The following IL1RAPL2 variants were observed in gnomAD, a reference collection of about 807,000 sequenced individuals.
The protein encoded by IL1RAPL2 is interleukin 1 receptor accessory protein like 2.
A neutral mutation model predicts 44.1 loss-of-function variants in IL1RAPL2; 3 were observed. The observed-to-expected ratio is 0.07, with a 90% CI of 0.03 to 0.18. The LOEUF is 0.18. Among genes scored for constraint, IL1RAPL2 ranks in the 10% least tolerant of loss-of-function variants. The pLI is 1.00. For synonymous variants in IL1RAPL2, 181 were observed against 178.8 expected, an observed-to-expected ratio of 1.01 and a Z score of -0.10; for missense variants, 391 against 496.4, an observed-to-expected ratio of 0.79 and a Z score of 2.02.
Position 104,878,878 on chromosome X carries a change from C to T in IL1RAPL2, c.82+219883C>T, listed in dbSNP as rs560032587. Among the ~76,000 whole-genome samples, 65 of 109,931 alleles carry T rather than the reference C, an allele frequency of 5.9e-4. No individual in the cohort carries two copies. In the South Asian group the frequency reaches 6.1e-3, roughly 10 times the overall value. ...AACAAATTTTGATGGGAGCAAGTTT[C>T]GAAAACGTGAGGACCCAGGATACCT... On this transcript the variant is annotated intron_variant, in intron 2 of 10. Coordinates refer to ENST00000372582, the MANE Select transcript of IL1RAPL2 (RefSeq NM_017416.2).
In IL1RAPL2 at chrX:105,267,458, A is replaced by G. The variant is rs1023552944; in HGVS notation, c.614A>G (p.Gln205Arg). 1.7e-6 allele frequency: 2 copies of G among 1,198,112 alleles called. No individual in the cohort carries two copies. Among genetic ancestry groups the G allele is most frequent in the East Asian group, 3.0e-5 (1 of 33,670 alleles). Residue 205 changes from glutamine (Q) to arginine (R), a missense_variant, in exon 5 of 11, where the codon CAA (glutamine) becomes CGA (arginine). By Grantham distance (43) the Gln-to-Arg change is conservative (BLOSUM62 1). Coordinates refer to ENST00000372582, the MANE Select transcript of IL1RAPL2 (RefSeq NM_017416.2). Reference sequence around the variant, plus strand: ...AATGCTCTTCTGATCCAAGAAGTTCAAGAAGAAGATGGAGGAAATTACACA... The same window carrying G: ...AATGCTCTTCTGATCCAAGAAGTTCGAGAAGAAGATGGAGGAAATTACACA... ...KGNALLIQEV[Q>R]EEDGGNYTCE...
intron 2 of IL1RAPL2, among the ~76,000 whole-genome samples, chrX:105,042,369 A>G (rs1180831970): frequency 1.8e-5 from 2 of 110,876 alleles, no homozygotes; most frequent in East Asian, 5.7e-4. Flanking sequence ...ATGAACTCAA[A>G]CAAATTTACA....
intron 2 of IL1RAPL2, among the ~76,000 whole-genome samples, chrX:104,938,675 C>CAAA (rs113219092): frequency 1.4e-4 from 14 of 97,708 alleles, no homozygotes; most frequent in African/African-American, 5.2e-4. Flanking sequence ...CTAGAGTATA[C>CAAA]AAAAAAAAAA....
chrX:105,265,454 G>A (rs1016828008), intron 4 of IL1RAPL2, among the ~76,000 whole-genome samples: 2 of 111,439 alleles, frequency 1.8e-5, no homozygotes, highest in African/African-American at 3.3e-5. Flanking sequence ...ATATCCCAAG[G>A]TTTAACTCAG....
chrX:105,687,221 A>T lies in IL1RAPL2; in HGVS notation c.773-30146A>T, dbSNP rs1277177105. On this transcript the variant is annotated intron_variant, in intron 6 of 10. Transcript: ENST00000372582. Reference sequence around the variant, plus strand: ...TAGCAGAAGGCAAGAAATAACTAAGATCAGAGCAGAAATGAAAGAGATAGA... The same window carrying T: ...TAGCAGAAGGCAAGAAATAACTAAGTTCAGAGCAGAAATGAAAGAGATAGA... Among the ~76,000 whole-genome samples the T allele has an allele frequency of 1.8e-5, 2 of 109,403 alleles. 1 individual carries two copies. Among genetic ancestry groups the T allele is most frequent in the Admixed American group, 2.0e-4 (2 of 10,176 alleles).
intron 2 of IL1RAPL2, among the ~76,000 whole-genome samples, chrX:104,977,391 C>T (rs2030358424): frequency 8.9e-6 from 1 of 112,125 alleles, no homozygotes; most frequent in Non-Finnish European, 1.9e-5. Flanking sequence ...AGTGTTATGG[C>T]TTTGCGGTGT....
chrX:104,940,043 A>T (rs1925125343), intron 2 of IL1RAPL2, among the ~76,000 whole-genome samples: 1 of 111,757 alleles, frequency 8.9e-6, no homozygotes, highest in Admixed American at 9.6e-5. Context: ...GTATCTGTGA[A>T]TATACTAAAA....
At chrX:105,376,950 C>T (rs1053636134) in intron 5 of IL1RAPL2, among the ~76,000 whole-genome samples, 5 of 112,259 alleles carry the variant, frequency 4.5e-5, no homozygotes, top group African/African-American at 1.6e-4. Flanking sequence ...AATTCAAAAA[C>T]AAATGCATAT....
At position 105,199,590 on chromosome X, in the gene IL1RAPL2, C is replaced by A. The variant is rs186776842; in HGVS notation, c.356+3842C>A. Among the ~76,000 whole-genome samples, 6 of 111,481 alleles carry A rather than the reference C, an allele frequency of 5.4e-5. No individual in the cohort carries two copies. The East Asian group carries it at 1.7e-3, about 32-fold the overall frequency. On this transcript the variant is annotated intron_variant, in intron 3 of 10. Coordinates refer to ENST00000372582, the MANE Select transcript of IL1RAPL2 (RefSeq NM_017416.2). ...TAGGGATAGTGGAACTTCCCAAGGT[C>A]CCTGAAGTCCTTTCCTATAGGTGGC...
chrX:104,786,231 G>A (rs1932797259), intron 2 of IL1RAPL2, among the ~76,000 whole-genome samples: 1 of 111,332 alleles, frequency 9.0e-6, no homozygotes, highest in Admixed American at 9.5e-5. Flanking sequence ...AGATTGAGGT[G>A]GGACCAACAT....
intron 6 of IL1RAPL2, among the ~76,000 whole-genome samples, chrX:105,609,150 G>A (rs1254511586): frequency 8.9e-6 from 1 of 111,856 alleles, no homozygotes; most frequent in African/African-American, 3.2e-5. Flanking sequence ...AAAAAAATAT[G>A]GGAAAGAAGC....
intron 1 of IL1RAPL2, among the ~76,000 whole-genome samples, chrX:104,601,877 T>C (rs944775317): frequency 8.9e-6 from 1 of 111,836 alleles, no homozygotes; most frequent in African/African-American, 3.3e-5. Flanking sequence ...ACCCAGCAAA[T>C]ACATTATTGG....
intron 6 of IL1RAPL2, among the ~76,000 whole-genome samples, chrX:105,590,814 TG>T (rs2037163615): frequency 3.0e-5 from 1 of 33,014 alleles, no homozygotes; most frequent in Non-Finnish European, 5.0e-5. Flanking sequence ...GGCCTGAATT[TG>T]TGTGTGTGTG....
intron 2 of IL1RAPL2, among the ~76,000 whole-genome samples, chrX:104,675,843 C>G (rs1469952802): frequency 4.6e-5 from 5 of 109,171 alleles, no homozygotes; most frequent in African/African-American, 6.7e-5. Context: ...GATCCCTTTA[C>G]CATTATGTAA....
chrX:105,267,609 G>C (rs2034413393), intron 5 of IL1RAPL2, 68 bp downstream of exon 5: 1 of 868,785 alleles, frequency 1.2e-6, no homozygotes, highest in African/African-American at 2.0e-5. Context: ...GGAAGCAAGA[G>C]TTTTGTTCAA....
At chrX:105,392,685 AG>A (rs1380469441) in intron 5 of IL1RAPL2, among the ~76,000 whole-genome samples, 1 of 111,612 alleles carries the variant, frequency 9.0e-6, no homozygotes, top group Non-Finnish European at 1.9e-5. Flanking sequence ...TCATAGAAAA[AG>A]GGTTTCATAA....
intron 2 of IL1RAPL2, among the ~76,000 whole-genome samples, chrX:104,791,927 T>A (rs1272653177): frequency 9.0e-6 from 1 of 111,345 alleles, no homozygotes; most frequent in Non-Finnish European, 1.9e-5. Context: ...TATTTTTTTA[T>A]GCCTTTTCGG....
intron 2 of IL1RAPL2, among the ~76,000 whole-genome samples, chrX:104,897,289 G>A (rs1353488718): frequency 8.9e-6 from 1 of 111,971 alleles, no homozygotes; most frequent in Non-Finnish European, 1.9e-5. Flanking sequence ...GAATGGCTGG[G>A]GAATAGCTGG....
intron 2 of IL1RAPL2, among the ~76,000 whole-genome samples, chrX:104,994,392 G>T (rs1478137471): frequency 9.0e-6 from 1 of 111,234 alleles, no homozygotes; most frequent in Non-Finnish European, 1.9e-5. Context: ...ATTAAAAAGG[G>T]TACAGAGTAA....
Sources: allele counts gnomAD v4.1 joint callset (sites outside exome capture counted in the v4.1 genomes callset), GRCh38; gene constraint gnomAD v4.1.1; transcripts MANE v1.5; gene names NCBI Gene and HGNC (gene_info 2026-07-23, HGNC 2026-07-21).